NPSR1: variants seen among roughly 807,000 people sequenced by gnomAD.
The protein encoded by NPSR1 is neuropeptide S receptor.
In NPSR1, 48 loss-of-function variants were observed where a neutral mutation model predicts 46.9. The ratio of observed to expected loss-of-function variants is 1.02; its 90% CI spans 0.81 to 1.30. NPSR1 has a LOEUF of 1.30. Ranked by LOEUF, NPSR1 falls within the 50% of genes most tolerant of loss-of-function variation. The pLI, the probability that NPSR1 is intolerant of heterozygous loss-of-function variation, is 0.00. For synonymous variants in NPSR1, 176 were observed against 168.1 expected, an observed-to-expected ratio of 1.05 and a Z score of -0.36; for missense variants, 450 against 449.5, an observed-to-expected ratio of 1.00 and a Z score of -0.01.
chr7:34,690,670 A>C (rs1373432123), intron 2 of NPSR1, among the ~76,000 whole-genome samples: 1 of 152,212 alleles, frequency 6.6e-6, no homozygotes, highest in African/African-American at 2.4e-5. Context: ...TAAACCAGTA[A>C]GAAAAATATA....
At chr7:34,722,780 A>C (rs1399820218) in intron 2 of NPSR1, among the ~76,000 whole-genome samples, 2 of 152,190 alleles carry the variant, frequency 1.3e-5, no homozygotes, top group African/African-American at 4.8e-5. Context: ...GCAGATAATG[A>C]CAGTTCCGTA....
intron 8 of NPSR1, among the ~76,000 whole-genome samples, chr7:34,857,153 T>A (rs1479656881): frequency 2.0e-5 from 3 of 151,752 alleles, no homozygotes; most frequent in Non-Finnish European, 4.4e-5. Context: ...CAGAAATATA[T>A]CATGACTATT....
intron 2 of NPSR1, among the ~76,000 whole-genome samples, chr7:34,702,539 G>C (rs1185317408): frequency 6.6e-6 from 1 of 152,136 alleles, no homozygotes; most frequent in Non-Finnish European, 1.5e-5. Context: ...CCTGCTTTGA[G>C]AATGCTTCTT....
At chr7:34,865,600 A>G (rs995186383) in intron 8 of NPSR1, among the ~76,000 whole-genome samples, 11 of 151,568 alleles carry the variant, frequency 7.3e-5, no homozygotes, top group African/African-American at 2.7e-4. Flanking sequence ...TCTTTTCTTG[A>G]TCTCTAGAAA....
intron 3 of NPSR1, among the ~76,000 whole-genome samples, chr7:34,784,869 A>T (rs1311031261): frequency 1.3e-5 from 2 of 152,186 alleles, no homozygotes. Context: ...ATCATTAAAA[A>T]GTCAGGAAAC....
intron 6 of NPSR1, among the ~76,000 whole-genome samples, chr7:34,837,984 C>A (rs1790432598): frequency 6.6e-6 from 1 of 152,208 alleles, no homozygotes; most frequent in African/African-American, 2.4e-5. Context: ...GTGTAAACCC[C>A]TGTCTTGTGG....
chr7:34,716,915 G>A (rs888436028), intron 2 of NPSR1, among the ~76,000 whole-genome samples: 9 of 152,116 alleles, frequency 5.9e-5, no homozygotes, highest in Admixed American at 2.6e-4. Flanking sequence ...GCAGATTACA[G>A]GAGTCCTACA....
At chr7:34,811,700 C>T in intron 3 of NPSR1, 70 bp from the exon 4 acceptor site, 1 of 1,026,716 alleles carries the variant, frequency 9.7e-7, no homozygotes, top group Non-Finnish European at 1.5e-6. Context: ...ACACAAGGTG[C>T]TATTCTTTCC....
At chr7:34,729,855 C>T (rs1354950535) in intron 2 of NPSR1, among the ~76,000 whole-genome samples, 1 of 152,222 alleles carries the variant, frequency 6.6e-6, no homozygotes, top group Non-Finnish European at 1.5e-5. Flanking sequence ...TCACTGCAAC[C>T]TCCGCCTCCC....
At chr7:34,877,057 T>C (rs1378378129) in intron 8 of NPSR1, among the ~76,000 whole-genome samples, 1 of 151,974 alleles carries the variant, frequency 6.6e-6, no homozygotes, top group Non-Finnish European at 1.5e-5. Flanking sequence ...CACTGCTCCA[T>C]AGGAGTTGGG....
intron 3 of NPSR1, among the ~76,000 whole-genome samples, chr7:34,787,052 C>T (rs1046265411): frequency 3.9e-5 from 6 of 152,130 alleles, no homozygotes; most frequent in African/African-American, 1.4e-4. Flanking sequence ...CAGGCATTGA[C>T]TTCTCCTCTC....
chr7:34,709,245 A>G (rs1794265181), intron 2 of NPSR1, among the ~76,000 whole-genome samples: 1 of 152,114 alleles, frequency 6.6e-6, no homozygotes, highest in Non-Finnish European at 1.5e-5. Flanking sequence ...AGCTACCACA[A>G]CTTGGTCCTG....
At chr7:34,745,690 T>C (rs551833711) in intron 2 of NPSR1, among the ~76,000 whole-genome samples, 2 of 152,272 alleles carry the variant, frequency 1.3e-5, no homozygotes, top group East Asian at 3.9e-4. Flanking sequence ...AGCTAATTTT[T>C]TTTTCTGGAG....
chr7:34,849,884 C>G lies in NPSR1; in HGVS notation c.*229C>G. 1 of 1,304,240 alleles carries G rather than the reference C, an allele frequency of 7.7e-7. No individual in the cohort carries two copies. Among genetic ancestry groups the G allele is most frequent in the Non-Finnish European group, 9.8e-7 (1 of 1,019,886 alleles). The allele number at this position is 1,304,240 out of a possible 1,614,324, so 80.8% of individuals were successfully genotyped here. Reference sequence around the variant, plus strand: ...AGGAAGGAAACGCCTTCCTTCCCCACCATTCCCAGCCCTCCTTCCCACTGG... The same window carrying G: ...AGGAAGGAAACGCCTTCCTTCCCCAGCATTCCCAGCCCTCCTTCCCACTGG... On this transcript the variant is annotated 3_prime_UTR_variant, in exon 9 of 9. Transcript: ENST00000360581.
chr7:34,861,526 C>T (rs1469840471), intron 8 of NPSR1, among the ~76,000 whole-genome samples: 2 of 151,800 alleles, frequency 1.3e-5, no homozygotes, highest in East Asian at 1.9e-4. Flanking sequence ...GTACAATGTG[C>T]TTATTGGCTA....
At chr7:34,788,181 T>G in intron 3 of NPSR1, among the ~76,000 whole-genome samples, 1 of 116,920 alleles carries the variant, frequency 8.6e-6, no homozygotes, top group East Asian at 2.4e-4. Context: ...GTAATCAGAG[T>G]TAAGTTATCA....
At chr7:34,816,238 G>A (rs1290535535) in intron 4 of NPSR1, among the ~76,000 whole-genome samples, 19 of 125,956 alleles carry the variant, frequency 1.5e-4, no homozygotes, top group Admixed American at 1.7e-4. Context: ...CAAGAAAATG[G>A]AAAGCAAAAA....
At chr7:34,726,315 C>G (rs1784148278) in intron 2 of NPSR1, among the ~76,000 whole-genome samples, 1 of 152,170 alleles carries the variant, frequency 6.6e-6, no homozygotes. Context: ...TGACATAGCA[C>G]TACACATCTT....
chr7:34,665,094 A>G (rs1791669042), intron 1 of NPSR1, among the ~76,000 whole-genome samples: 1 of 152,202 alleles, frequency 6.6e-6, no homozygotes, highest in East Asian at 1.9e-4. Flanking sequence ...TAAACTTCCT[A>G]AAAGTTAAGA....
Sources: gnomAD v4.1 joint callset for allele counts (sites outside exome capture counted in the v4.1 genomes callset) on GRCh38, gnomAD v4.1.1 for gene constraint, MANE v1.5 for transcripts, NCBI Gene and HGNC (gene_info 2026-07-23, HGNC 2026-07-21) for gene names.